Variants in PHTF2 observed in about 807,000 individuals in gnomAD.
PHTF2 encodes protein PHTF2.
Under a neutral mutation model 101.2 loss-of-function variants are expected in PHTF2, and 60 were observed. The observed-to-expected ratio is 0.59, with a 90% CI of 0.48 to 0.73. The LOEUF (loss-of-function observed/expected upper bound fraction) is 0.73, where lower values mean the gene tolerates loss of function less well. Ranked by LOEUF, PHTF2 falls within the 30% of genes least tolerant of loss-of-function variation. The pLI is 0.00. For missense variants in PHTF2, 747 were observed against 908.7 expected (o/e 0.82, Z 2.29); for synonymous variants, 311 against 307.3 (o/e 1.01, Z -0.13).
chr7:77,887,467 C>T (rs1799971104), intron 3 of PHTF2, among the ~76,000 whole-genome samples: 1 of 151,032 alleles, frequency 6.6e-6, no homozygotes, highest in Non-Finnish European at 1.5e-5. Flanking sequence ...ATGGCTCAAA[C>T]TTTAGATGAG....
intron 1 of PHTF2, among the ~76,000 whole-genome samples, chr7:77,826,028 A>C (rs1260338793): frequency 6.6e-6 from 1 of 152,200 alleles, no homozygotes; most frequent in East Asian, 1.9e-4. Flanking sequence ...AAATGCTAGG[A>C]AAAAAATATG....
intron 11 of PHTF2, among the ~76,000 whole-genome samples, chr7:77,925,095 T>C (rs969089489): frequency 6.6e-5 from 10 of 152,186 alleles, no homozygotes; most frequent in Non-Finnish European, 1.5e-4. Context: ...TAGCTTTTCA[T>C]CCCAGAAAGG....
intron 3 of PHTF2, among the ~76,000 whole-genome samples, chr7:77,866,550 A>C (rs1417404780): frequency 6.6e-6 from 1 of 152,078 alleles, no homozygotes; most frequent in Non-Finnish European, 1.5e-5. Flanking sequence ...GGAAGTCAGA[A>C]GCTGGGTTTT....
intron 1 of PHTF2, among the ~76,000 whole-genome samples, chr7:77,803,991 A>G (rs974343417): frequency 2.6e-5 from 4 of 152,192 alleles, no homozygotes; most frequent in African/African-American, 7.2e-5. Context: ...TAAATGAAGT[A>G]GGATTTCAGT....
At chr7:77,916,770 A>G (rs978112314) in intron 9 of PHTF2, among the ~76,000 whole-genome samples, 7 of 152,282 alleles carry the variant, frequency 4.6e-5, no homozygotes, top group African/African-American at 1.7e-4. Context: ...ATACCTAATA[A>G]TGGTATAAAT....
intron 11 of PHTF2, among the ~76,000 whole-genome samples, chr7:77,924,499 A>G (rs925170674): frequency 6.6e-6 from 1 of 152,252 alleles, no homozygotes; most frequent in Non-Finnish European, 1.5e-5. Context: ...CAAGGAAGCT[A>G]TCAAAGACTA....
intron 1 of PHTF2, among the ~76,000 whole-genome samples, chr7:77,811,689 C>T (rs903666558): frequency 6.6e-6 from 1 of 152,156 alleles, no homozygotes; most frequent in African/African-American, 2.4e-5. Flanking sequence ...TCTGATCCAA[C>T]AAGATATTCC....
intron 11 of PHTF2, among the ~76,000 whole-genome samples, chr7:77,926,673 A>G (rs1038839077): frequency 8.5e-5 from 13 of 152,112 alleles, no homozygotes; most frequent in Non-Finnish European, 2.9e-5. Context: ...TTTAATTGAG[A>G]CAGACAATAT....
At chr7:77,801,764 A>C (rs1351332509) in intron 1 of PHTF2, among the ~76,000 whole-genome samples, 1 of 152,176 alleles carries the variant, frequency 6.6e-6, no homozygotes, top group African/African-American at 2.4e-5. Flanking sequence ...TGTATATGCA[A>C]ATATTACAAA....
chr7:77,887,711 A>G (rs147214890), intron 3 of PHTF2, among the ~76,000 whole-genome samples: 2 of 152,216 alleles, frequency 1.3e-5, no homozygotes, highest in Non-Finnish European at 2.9e-5. Context: ...AAGATACAGG[A>G]TGAGTTTGTA....
exon 11 of PHTF2, chr7:77,922,721 T>C: frequency 1.2e-6 from 2 of 1,608,902 alleles, no homozygotes; most frequent in East Asian, 4.5e-5. Context: ...ACAGGACTTC[T>C]GAAGGTGTTC....
intron 5 of PHTF2, among the ~76,000 whole-genome samples, chr7:77,894,200 T>C (rs547380442): frequency 6.6e-6 from 1 of 152,342 alleles, no homozygotes; most frequent in South Asian, 2.1e-4. Flanking sequence ...GAACATGTAA[T>C]CATATCTCTT....
intron 3 of PHTF2, among the ~76,000 whole-genome samples, chr7:77,877,761 C>T (rs1355802076): frequency 6.6e-6 from 1 of 152,200 alleles, no homozygotes; most frequent in African/African-American, 2.4e-5. Flanking sequence ...GGAAAGGAAA[C>T]CAAGGCTGTG....
At chr7:77,936,147 A>AAGT (rs1245310292) in intron 12 of PHTF2, among the ~76,000 whole-genome samples, 1 of 152,110 alleles carries the variant, frequency 6.6e-6, no homozygotes, top group East Asian at 1.9e-4. Flanking sequence ...TACATTATTG[A>AAGT]ATTATTATTA....
intron 1 of PHTF2, among the ~76,000 whole-genome samples, chr7:77,820,404 T>C (rs1298766831): frequency 2.0e-5 from 3 of 152,124 alleles, no homozygotes; most frequent in African/African-American, 7.2e-5. Flanking sequence ...CAGGCCAGAG[T>C]GCACAGGCGT....
At chr7:77,948,721 T>G (rs559590522) in intron 16 of PHTF2, among the ~76,000 whole-genome samples, 20 of 152,202 alleles carry the variant, frequency 1.3e-4, no homozygotes, top group African/African-American at 4.6e-4. Flanking sequence ...AAAGTAAAAT[T>G]AAGGCAATGA....
At chr7:77,910,133 G>C in intron 8 of PHTF2, 112 bp from the exon 8 acceptor site, 1 of 716,276 alleles carries the variant, frequency 1.4e-6, no homozygotes, top group Non-Finnish European at 2.3e-6. Flanking sequence ...ATTTTATTAT[G>C]TGTTAAGTAA....
chr7:77,813,431 G>C (rs1446323815), intron 1 of PHTF2, among the ~76,000 whole-genome samples: 1 of 152,166 alleles, frequency 6.6e-6, no homozygotes, highest in Admixed American at 6.5e-5. Context: ...GGAAGTCACT[G>C]GTGTCCTCAA....
chr7:77,859,493 TA>T (rs993748302), intron 3 of PHTF2, among the ~76,000 whole-genome samples: 1 of 151,640 alleles, frequency 6.6e-6, no homozygotes, highest in Admixed American at 6.6e-5. Flanking sequence ...CCTCTTTTTT[TA>T]AAAAAAATTT....
Sources: gnomAD v4.1 joint callset for allele counts (sites outside exome capture counted in the v4.1 genomes callset) on GRCh38, gnomAD v4.1.1 for gene constraint, MANE v1.5 for transcripts, NCBI Gene and HGNC (gene_info 2026-07-23, HGNC 2026-07-21) for gene names.